PAPSS1: variants seen among roughly 807,000 people sequenced by gnomAD.
PAPSS1 encodes bifunctional 3'-phosphoadenosine 5'-phosphosulfate synthase 1.
In PAPSS1, 50 loss-of-function variants were observed where a neutral mutation model predicts 72.0. That is an observed-to-expected ratio of 0.69 (90% confidence interval 0.55 to 0.88). The LOEUF is 0.88. Among genes scored for constraint, PAPSS1 ranks in the 40% least tolerant of loss-of-function variants. PAPSS1 has a pLI of 0.00. For synonymous variants in PAPSS1, 261 were observed against 263.6 expected, an observed-to-expected ratio of 0.99 and a Z score of 0.09; for missense variants, 657 against 782.2, an observed-to-expected ratio of 0.84 and a Z score of 1.91.
intron 8 of PAPSS1, among the ~76,000 whole-genome samples, chr4:107,654,202 C>T (rs1726934211): frequency 6.6e-6 from 1 of 152,178 alleles, no homozygotes; most frequent in African/African-American, 2.4e-5. Flanking sequence ...TCTCAGTCTA[C>T]CTTAACACAC....
Position 107,642,735 on chromosome 4 carries a change from G to A in PAPSS1, c.1506+2067C>T, listed in dbSNP as rs111279794. Among the ~76,000 whole-genome samples the A allele has an allele frequency of 7.3e-3, 1,109 of 152,224 alleles. 11 individuals are homozygous for A. The highest frequency in any genetic ancestry group is 0.024 in the African/African-American group (990 of 41,522). Reference sequence around the variant, plus strand: ...TTTTTTGAGGCTGGTTAAGAAATAGGAAAAGTATTACAGAGTGCTTGGCTA... The same window carrying A: ...TTTTTTGAGGCTGGTTAAGAAATAGAAAAAGTATTACAGAGTGCTTGGCTA... On this transcript the variant is annotated intron_variant, in intron 10 of 11. Coordinates refer to ENST00000265174, the MANE Select transcript of PAPSS1 (RefSeq NM_005443.5).
At chr4:107,645,666 T>C (rs747682754) in intron 9 of PAPSS1, among the ~76,000 whole-genome samples, 3 of 152,232 alleles carry the variant, frequency 2.0e-5, no homozygotes, top group Non-Finnish European at 4.4e-5. Flanking sequence ...TGAAAACTGC[T>C]AGACAGACGA....
At chr4:107,679,766 C>T (rs1256457415) in intron 5 of PAPSS1, among the ~76,000 whole-genome samples, 6 of 139,646 alleles carry the variant, frequency 4.3e-5, no homozygotes, top group African/African-American at 2.0e-4. Context: ...GCAACTTCCA[C>T]CCCCCCAGAT....
chr4:107,685,442 G>A (rs979000613), intron 4 of PAPSS1, among the ~76,000 whole-genome samples: 1 of 152,128 alleles, frequency 6.6e-6, no homozygotes, highest in Non-Finnish European at 1.5e-5. Flanking sequence ...CTTTATTTAG[G>A]ATCCTGGACA....
intron 1 of PAPSS1, among the ~76,000 whole-genome samples, chr4:107,706,282 G>C (rs1366642126): frequency 6.6e-6 from 1 of 151,960 alleles, no homozygotes; most frequent in Non-Finnish European, 1.5e-5. Flanking sequence ...TTGTACTTTT[G>C]ATGCTGTCCT....
intron 10 of PAPSS1, among the ~76,000 whole-genome samples, chr4:107,643,791 C>T (rs907830369): frequency 6.6e-6 from 1 of 152,078 alleles, no homozygotes; most frequent in African/African-American, 2.4e-5. Context: ...TTACTTGCAT[C>T]TATGAAAGAT....
At chr4:107,639,665 G>A (rs1441602096) in intron 10 of PAPSS1, among the ~76,000 whole-genome samples, 1 of 152,158 alleles carries the variant, frequency 6.6e-6, no homozygotes, top group African/African-American at 2.4e-5. Context: ...GACCCCCAAA[G>A]AGAGTCAAAG....
intron 5 of PAPSS1, among the ~76,000 whole-genome samples, chr4:107,663,658 C>T (rs372142205): frequency 5.3e-4 from 81 of 152,252 alleles, no homozygotes; most frequent in African/African-American, 1.9e-3. Context: ...TTTCAATGGA[C>T]TTAACATAAA....
At chr4:107,651,781 G>A (rs1035629459) in intron 9 of PAPSS1, among the ~76,000 whole-genome samples, 1 of 152,158 alleles carries the variant, frequency 6.6e-6, no homozygotes, top group Non-Finnish European at 1.5e-5. Context: ...GGAGGACACA[G>A]CCAAACCGTA....
chr4:107,661,076 C>A lies in PAPSS1; in HGVS notation c.670-1004G>T, dbSNP rs181761401. ...TGAATAGACATCTCATCAAAGAAGA[C>A]ACATAGATTATAAATAAGCATATGA... On this transcript the variant is annotated intron_variant, in intron 5 of 11. Transcript: ENST00000265174. Among the ~76,000 whole-genome samples the A allele has an allele frequency of 1.1e-3, 167 of 152,182 alleles. 1 individual carries two copies. Among genetic ancestry groups the A allele is most frequent in the African/African-American group, 3.9e-3 (162 of 41,526 alleles).
At chr4:107,676,616 A>G (rs141059488) in intron 5 of PAPSS1, among the ~76,000 whole-genome samples, 36,625 of 151,866 alleles carry the variant, frequency 0.24, 4,936 homozygotes, top group Middle Eastern at 0.34. Flanking sequence ...TGCCCAAGGT[A>G]ATTTATAGAT....
intron 10 of PAPSS1, 53 bp from the exon 11 acceptor site, chr4:107,631,913 G>A: frequency 9.0e-7 from 1 of 1,106,806 alleles, no homozygotes; most frequent in Admixed American, 2.3e-5. Context: ...TATGTACTTA[G>A]AAATAGTAAG....
rs1726959148 is a variant in PAPSS1, at chr4:107,654,906, G to A, written c.896-6C>T. 1 of 1,607,926 alleles carries A rather than the reference G, an allele frequency of 6.2e-7. No homozygotes were observed. Among genetic ancestry groups the A allele is most frequent in the Non-Finnish European group, 8.5e-7 (1 of 1,175,242 alleles). On this transcript the variant is annotated splice_region_variant and splice_polypyrimidine_tract_variant and intron_variant, in intron 7 of 11. Transcript: ENST00000265174. Reference sequence around the variant, plus strand: ...TGACAAGTTAATGACACCTCCTGCAGAGCACAAAAGAACATGAAGCACACA... The same window carrying A: ...TGACAAGTTAATGACACCTCCTGCAAAGCACAAAAGAACATGAAGCACACA...
At chr4:107,661,586 TAC>T (rs1727182894) in intron 5 of PAPSS1, among the ~76,000 whole-genome samples, 1 of 152,154 alleles carries the variant, frequency 6.6e-6, no homozygotes, top group Non-Finnish European at 1.5e-5. Flanking sequence ...CTGAAAAGGG[TAC>T]AGACTATATG....
At chr4:107,672,140 C>A (rs1006342158) in intron 5 of PAPSS1, among the ~76,000 whole-genome samples, 2 of 152,142 alleles carry the variant, frequency 1.3e-5, no homozygotes, top group African/African-American at 4.8e-5. Flanking sequence ...CCAGTGTGAG[C>A]GACGCAGAAG....
chr4:107,621,434 GTTAATT>G (rs1368816686), intron 11 of PAPSS1, among the ~76,000 whole-genome samples: 2 of 151,976 alleles, frequency 1.3e-5, no homozygotes, highest in African/African-American at 4.8e-5. Flanking sequence ...TGACATAGGT[GTTAATT>G]TTCTCTTTTT....
intron 5 of PAPSS1, among the ~76,000 whole-genome samples, chr4:107,666,343 C>T (rs1407933614): frequency 6.6e-6 from 1 of 152,078 alleles, no homozygotes; most frequent in Non-Finnish European, 1.5e-5. Flanking sequence ...TACTAGCAGG[C>T]CATCTAGTGA....
intron 11 of PAPSS1, among the ~76,000 whole-genome samples, chr4:107,617,232 G>A (rs1264796033): frequency 7.3e-6 from 1 of 137,494 alleles, no homozygotes; most frequent in Non-Finnish European, 1.6e-5. Context: ...TTTCACCACC[G>A]GCCTCCAAGC....
chr4:107,648,276 C>T (rs1448708283), intron 9 of PAPSS1, among the ~76,000 whole-genome samples: 2 of 152,168 alleles, frequency 1.3e-5, no homozygotes, highest in African/African-American at 4.8e-5. Flanking sequence ...ATCAGCATTC[C>T]GTGAACACAT....
Sources: allele counts gnomAD v4.1 joint callset (sites outside exome capture counted in the v4.1 genomes callset), GRCh38; gene constraint gnomAD v4.1.1; transcripts MANE v1.5; gene names NCBI Gene and HGNC (gene_info 2026-07-23, HGNC 2026-07-21).